Variants in BMAL1 observed in about 807,000 individuals in gnomAD.
BMAL1 encodes basic helix-loop-helix ARNT like 1, also known as basic helix-loop-helix ARNT-like protein 1.
the BMAL1 span, among the ~76,000 whole-genome samples, chr11:13,324,390 G>A: frequency 4.0e-5 from 6 of 151,876 alleles, no homozygotes; most frequent in Non-Finnish European, 8.8e-5. Context: ...TTTTCTTACT[G>A]TTCCCCCTGT....
the BMAL1 span, chr11:13,386,843 A>C: frequency 6.7e-7 from 1 of 1,490,788 alleles, no homozygotes; most frequent in Non-Finnish European, 9.1e-7. Context: ...CTGGATAAGG[A>C]GAGAATAGCT....
chr11:13,373,905 A>G, the BMAL1 span, among the ~76,000 whole-genome samples: 1 of 152,138 alleles, frequency 6.6e-6, no homozygotes, highest in South Asian at 2.1e-4. Flanking sequence ...TATAGCCTTG[A>G]TTAAATTCAG....
At chr11:13,322,917 A>C in the BMAL1 span, among the ~76,000 whole-genome samples, 1 of 150,172 alleles carries the variant, frequency 6.7e-6, no homozygotes, top group Admixed American at 6.7e-5. Flanking sequence ...CAGCCTCCCA[A>C]GTAGCTGGAA....
At chr11:13,296,889 C>T in the BMAL1 span, among the ~76,000 whole-genome samples, 2 of 152,192 alleles carry the variant, frequency 1.3e-5, no homozygotes, top group African/African-American at 4.8e-5. Flanking sequence ...GCGCTCGTGG[C>T]TCTGTCAGCC....
the BMAL1 span, among the ~76,000 whole-genome samples, chr11:13,340,990 G>A: frequency 6.6e-6 from 1 of 152,188 alleles, no homozygotes; most frequent in African/African-American, 2.4e-5. Context: ...CATGCAGCTA[G>A]TAAGTGGCAG....
chr11:13,284,867 G>C, the BMAL1 span, among the ~76,000 whole-genome samples: 2 of 152,040 alleles, frequency 1.3e-5, no homozygotes, highest in Non-Finnish European at 2.9e-5. Flanking sequence ...AGGCTCTCCA[G>C]GGTCTGGTCC....
chr11:13,356,292 C>A, the BMAL1 span: 2 of 458,956 alleles, frequency 4.4e-6, no homozygotes, highest in Non-Finnish European at 4.4e-6. Flanking sequence ...CGTCCCTTCC[C>A]TGCCAAATAG....
the BMAL1 span, among the ~76,000 whole-genome samples, chr11:13,311,696 T>C: frequency 3.3e-5 from 5 of 152,206 alleles, no homozygotes; most frequent in African/African-American, 1.2e-4. Context: ...CATTTCCTTC[T>C]TTGGAGCCAA....
At chr11:13,276,859 T>A in the BMAL1 span, 1 of 152,236 alleles carries the variant, frequency 6.6e-6, no homozygotes, top group Non-Finnish European at 1.5e-5. Flanking sequence ...AATTTTTATT[T>A]TCTGTAACTG....
At chr11:13,278,602 C>T in the BMAL1 span, among the ~76,000 whole-genome samples, 1 of 152,216 alleles carries the variant, frequency 6.6e-6, no homozygotes, top group Non-Finnish European at 1.5e-5. Flanking sequence ...CCGGCCGGCA[C>T]GGGGCCGACC....
At chr11:13,365,592 G>A in the BMAL1 span, 1 of 1,612,942 alleles carries the variant, frequency 6.2e-7, no homozygotes, top group Non-Finnish European at 8.5e-7. Context: ...ACTACAGCCA[G>A]GTATTGTTCA....
chr11:13,344,721 A>G, the BMAL1 span, among the ~76,000 whole-genome samples: 5 of 152,090 alleles, frequency 3.3e-5, no homozygotes, highest in Non-Finnish European at 7.4e-5. Context: ...TGCAGTGGGG[A>G]CAGGGCCCCA....
chr11:13,360,242 G>T, the BMAL1 span: 7 of 966,952 alleles, frequency 7.2e-6, no homozygotes, highest in Admixed American at 2.1e-5. Context: ...TAAATACCAG[G>T]TCATAGAGAC....
chr11:13,322,461 C>T, the BMAL1 span, among the ~76,000 whole-genome samples: 417 of 152,176 alleles, frequency 2.7e-3, 3 homozygotes, highest in African/African-American at 8.9e-3. Context: ...TCACTTTTTT[C>T]CCCCTTGCAG....
chr11:13,297,551 G>A, the BMAL1 span, among the ~76,000 whole-genome samples: 189 of 152,364 alleles, frequency 1.2e-3, no homozygotes, highest in Non-Finnish European at 2.2e-3. Flanking sequence ...GTGGGTATTG[G>A]TGTGAGGGTG....
chr11:13,297,926 G>A, the BMAL1 span, among the ~76,000 whole-genome samples: 3 of 152,286 alleles, frequency 2.0e-5, no homozygotes, highest in South Asian at 2.1e-4. Context: ...TCCCGCTACT[G>A]TGCATTCTTT....
chr11:13,280,434 G>T, the BMAL1 span, among the ~76,000 whole-genome samples: 2 of 152,228 alleles, frequency 1.3e-5, no homozygotes, highest in African/African-American at 2.4e-5. Flanking sequence ...GTAAAAACTA[G>T]ATAGTTAATA....
At chr11:13,343,627 G>A in the BMAL1 span, among the ~76,000 whole-genome samples, 4 of 152,316 alleles carry the variant, frequency 2.6e-5, no homozygotes, top group East Asian at 7.7e-4. Context: ...ACACCTCAGT[G>A]ATGGACTTGA....
At chr11:13,314,389 TAA>T in the BMAL1 span, among the ~76,000 whole-genome samples, 14 of 152,058 alleles carry the variant, frequency 9.2e-5, no homozygotes, top group South Asian at 4.1e-4. Flanking sequence ...CATAATGTGA[TAA>T]AATGTACCTG....
Sources: allele counts gnomAD v4.1 joint callset (sites outside exome capture counted in the v4.1 genomes callset), GRCh38; gene constraint gnomAD v4.1.1; transcripts MANE v1.5; gene names NCBI Gene and HGNC (gene_info 2026-07-23, HGNC 2026-07-21).